The following DOK6 variants were observed in gnomAD, a reference collection of about 807,000 sequenced individuals.
DOK6 encodes the protein downstream of tyrosine kinase 6.
Under a neutral mutation model 44.0 loss-of-function variants are expected in DOK6, and 22 were observed. That is an observed-to-expected ratio of 0.50 (90% confidence interval 0.36 to 0.71). The LOEUF (loss-of-function observed/expected upper bound fraction) is 0.71, where lower values mean the gene tolerates loss of function less well. Among genes scored for constraint, DOK6 ranks in the 30% least tolerant of loss-of-function variants. The probability of loss-of-function intolerance (pLI) is 0.00; values close to 1 mark genes in which losing one functional copy is unlikely to be tolerated. For missense variants in DOK6, 340 were observed against 416.4 expected (o/e 0.82, Z 1.60); for synonymous variants, 166 against 145.5 (o/e 1.14, Z -1.01).
intron 7 of DOK6, among the ~76,000 whole-genome samples, chr18:69,804,211 G>C (rs1014828390): frequency 1.3e-5 from 2 of 152,016 alleles, no homozygotes; most frequent in African/African-American, 4.8e-5. Context: ...GATGACTTGA[G>C]GACTCTCATT....
intron 1 of DOK6, among the ~76,000 whole-genome samples, chr18:69,488,767 G>A (rs1157052992): frequency 1.3e-5 from 2 of 152,146 alleles, no homozygotes; most frequent in African/African-American, 4.8e-5. Flanking sequence ...ACAACATGTG[G>A]GGATTGTGGA....
At chr18:69,827,457 A>T (rs1981773997) in intron 7 of DOK6, among the ~76,000 whole-genome samples, 1 of 152,094 alleles carries the variant, frequency 6.6e-6, no homozygotes, top group African/African-American at 2.4e-5. Flanking sequence ...AAATTAATCT[A>T]ATCAGTTATC....
chr18:69,427,153 C>T (rs767962764), intron 1 of DOK6, among the ~76,000 whole-genome samples: 13 of 152,096 alleles, frequency 8.5e-5, no homozygotes, highest in Non-Finnish European at 1.8e-4. Flanking sequence ...GCTCCATCCA[C>T]GTCGCTGCAA....
intron 7 of DOK6, among the ~76,000 whole-genome samples, chr18:69,820,928 A>G (rs1981550075): frequency 6.6e-6 from 1 of 152,156 alleles, no homozygotes; most frequent in African/African-American, 2.4e-5. Flanking sequence ...GGGATCGGGA[A>G]GAATAACTAA....
intron 2 of DOK6, among the ~76,000 whole-genome samples, chr18:69,567,508 T>C (rs1983012504): frequency 6.6e-6 from 1 of 151,784 alleles, no homozygotes; most frequent in South Asian, 2.1e-4. Flanking sequence ...CAATTCGGTG[T>C]GATCAAGGAC....
intron 1 of DOK6, among the ~76,000 whole-genome samples, chr18:69,404,786 G>GGT (rs59807127): frequency 0.044 from 6,544 of 149,902 alleles, 420 homozygotes; most frequent in African/African-American, 0.14. Flanking sequence ...AGGATAGGGT[G>GGT]GTGTGTGTGT....
chr18:69,823,189 G>C (rs977833108), intron 7 of DOK6, among the ~76,000 whole-genome samples: 2 of 152,056 alleles, frequency 1.3e-5, no homozygotes, highest in African/African-American at 2.4e-5. Flanking sequence ...ATTTCACAAG[G>C]CTCCAAAGAC....
Position 69,448,728 on chromosome 18 carries a change from T to C in DOK6, c.66+47418T>C, listed in dbSNP as rs150910893. On this transcript the variant is annotated intron_variant, in intron 1 of 7. Coordinates refer to ENST00000382713, the MANE Select transcript of DOK6 (RefSeq NM_152721.6). ...ATCCTTGGTCCTTAATGAGAGATTA[T>C]TAATTTTTGGAACATTGAATAATCA... Among the ~76,000 whole-genome samples the C allele has an allele frequency of 2.0e-5, 3 of 152,344 alleles. No individual in the cohort carries two copies. In the East Asian group the frequency reaches 5.8e-4, roughly 29 times the overall value.
intron 3 of DOK6, among the ~76,000 whole-genome samples, chr18:69,647,044 G>GTCTATCTGTCTAGCCTA (rs1985094295): frequency 6.9e-5 from 4 of 58,150 alleles, no homozygotes; most frequent in African/African-American, 1.8e-4. Context: ...TGTCTATCCT[G>GTCTATCTGTCTAGCCTA]TCTATCTGTC....
intron 5 of DOK6, among the ~76,000 whole-genome samples, chr18:69,731,774 C>T (rs1255115978): frequency 6.6e-6 from 1 of 152,152 alleles, no homozygotes; most frequent in African/African-American, 2.4e-5. Flanking sequence ...AAACTAAAAA[C>T]TGTCCCAATC....
intron 1 of DOK6, among the ~76,000 whole-genome samples, chr18:69,505,491 CTTTTTTT>C (rs772908185): frequency 6.8e-5 from 6 of 88,562 alleles, no homozygotes; most frequent in East Asian, 7.3e-4. Flanking sequence ...TACTCCCATT[CTTTTTTT>C]TTTTTTTTTT....
chr18:69,638,689 C>G (rs1124972), intron 3 of DOK6, among the ~76,000 whole-genome samples: 8,498 of 152,116 alleles, frequency 0.056, 342 homozygotes, highest in Admixed American at 0.097. Flanking sequence ...CTTATATGAA[C>G]CCTTAAATGA....
chr18:69,489,640 C>T (rs1222575494), intron 1 of DOK6, among the ~76,000 whole-genome samples: 1 of 152,138 alleles, frequency 6.6e-6, no homozygotes, highest in African/African-American at 2.4e-5. Context: ...ATTTAGAGTC[C>T]TGTTTCTTTT....
At chr18:69,565,710 G>C (rs976236660) in intron 2 of DOK6, among the ~76,000 whole-genome samples, 4 of 152,010 alleles carry the variant, frequency 2.6e-5, no homozygotes, top group Non-Finnish European at 5.9e-5. Flanking sequence ...TACTGCCAGA[G>C]AATACAACTT....
Position 69,693,927 on chromosome 18 carries a change from C to T in DOK6, c.410-4477C>T, listed in dbSNP as rs1028477467. ...CAAAAAAATTAGCCGGGCGTGGTGG[C>T]GGGCGCCTGTAGTCCCAGCTACTCG... On this transcript the variant is annotated intron_variant, in intron 4 of 7. Coordinates refer to ENST00000382713, the MANE Select transcript of DOK6 (RefSeq NM_152721.6). Among the ~76,000 whole-genome samples, 7 of 151,626 alleles carry T rather than the reference C, an allele frequency of 4.6e-5. No homozygotes were observed. In the East Asian group the frequency reaches 5.8e-4, roughly 13 times the overall value.
intron 1 of DOK6, among the ~76,000 whole-genome samples, chr18:69,495,296 G>C (rs1384952528): frequency 1.3e-5 from 2 of 152,250 alleles, no homozygotes; most frequent in Non-Finnish European, 2.9e-5. Flanking sequence ...TGGCGAGCAA[G>C]GGGCATGTTT....
At chr18:69,556,725 G>A (rs1264592046) in intron 1 of DOK6, among the ~76,000 whole-genome samples, 1 of 152,164 alleles carries the variant, frequency 6.6e-6, no homozygotes, top group African/African-American at 2.4e-5. Context: ...ATATTTATCT[G>A]TGTACCTATC....
At chr18:69,698,109 C>A (rs1986427828) in intron 4 of DOK6, among the ~76,000 whole-genome samples, 1 of 152,290 alleles carries the variant, frequency 6.6e-6, no homozygotes, top group South Asian at 2.1e-4. Flanking sequence ...ACTCCCTTAA[C>A]TTTTGCCCTT....
At chr18:69,534,122 A>G (rs1347367072) in intron 1 of DOK6, among the ~76,000 whole-genome samples, 1 of 152,142 alleles carries the variant, frequency 6.6e-6, no homozygotes, top group Non-Finnish European at 1.5e-5. Flanking sequence ...ACATTTTTCA[A>G]TCTGCCAAAT....
Sources: gnomAD v4.1 joint callset for allele counts (sites outside exome capture counted in the v4.1 genomes callset) on GRCh38, gnomAD v4.1.1 for gene constraint, MANE v1.5 for transcripts, NCBI Gene and HGNC (gene_info 2026-07-23, HGNC 2026-07-21) for gene names.